The following ANKRD44 variants were observed in gnomAD, a reference collection of about 807,000 sequenced individuals.
ANKRD44 encodes the protein serine/threonine-protein phosphatase 6 regulatory ankyrin repeat subunit B.
Under a neutral mutation model 116.0 loss-of-function variants are expected in ANKRD44, and 35 were observed. That is an observed-to-expected ratio of 0.30 (90% CI 0.23 to 0.40). The LOEUF (loss-of-function observed/expected upper bound fraction) is 0.40. ANKRD44 is among the 10% of genes least tolerant of loss of function. ANKRD44 has a pLI of 1.00. For missense variants in ANKRD44, 1,014 were observed against 1,242.6 expected, an observed-to-expected ratio of 0.82 and a Z score of 2.77; for synonymous variants, 435 against 461.8, an observed-to-expected ratio of 0.94 and a Z score of 0.74.
chr2:197,281,040 G>A (rs182823766), intron 1 of ANKRD44, among the ~76,000 whole-genome samples: 1 of 150,302 alleles, frequency 6.7e-6, no homozygotes, highest in Admixed American at 6.6e-5. Context: ...TTTGAGATAT[G>A]TCTTGCTCTG....
chr2:197,146,549 T>C (rs186928883), intron 3 of ANKRD44, among the ~76,000 whole-genome samples: 83 of 151,616 alleles, frequency 5.5e-4, no homozygotes, highest in Middle Eastern at 3.4e-3. Context: ...ATAGTGTTTA[T>C]ATAGCATGTA....
At chr2:197,144,692 T>G (rs897467773) in intron 3 of ANKRD44, among the ~76,000 whole-genome samples, 8 of 152,124 alleles carry the variant, frequency 5.3e-5, no homozygotes, top group African/African-American at 1.9e-4. Flanking sequence ...ACCAAACAAG[T>G]GAATAGATTA....
At chr2:197,207,226 C>A (rs2081228007) in intron 1 of ANKRD44, among the ~76,000 whole-genome samples, 1 of 152,186 alleles carries the variant, frequency 6.6e-6, no homozygotes, top group South Asian at 2.1e-4. Context: ...GGGCAGGTGT[C>A]TGAAAACTGT....
intron 21 of ANKRD44, among the ~76,000 whole-genome samples, chr2:197,005,096 A>T (rs1018504543): frequency 6.6e-6 from 1 of 152,184 alleles, no homozygotes; most frequent in Non-Finnish European, 1.5e-5. Context: ...ATTATGAAAG[A>T]TGCACACAAA....
At chr2:197,016,448 A>T (rs1010119490) in intron 17 of ANKRD44, among the ~76,000 whole-genome samples, 7 of 152,122 alleles carry the variant, frequency 4.6e-5, no homozygotes, top group Admixed American at 1.3e-4. Flanking sequence ...AACAAAATGC[A>T]GTTTTGAAGG....
intron 2 of ANKRD44, among the ~76,000 whole-genome samples, chr2:197,159,361 C>T (rs1404807216): frequency 6.6e-6 from 1 of 152,212 alleles, no homozygotes; most frequent in African/African-American, 2.4e-5. Context: ...GATGTTAACA[C>T]TAATTATCTC....
At chr2:197,213,732 T>A (rs1185518680) in intron 1 of ANKRD44, among the ~76,000 whole-genome samples, 2 of 152,242 alleles carry the variant, frequency 1.3e-5, no homozygotes, top group African/African-American at 4.8e-5. Context: ...GGCCGATTTA[T>A]ATAGCCAGTT....
At chr2:197,075,131 A>G (rs1420207450) in intron 16 of ANKRD44, among the ~76,000 whole-genome samples, 2 of 152,162 alleles carry the variant, frequency 1.3e-5, no homozygotes, top group Non-Finnish European at 2.9e-5. Context: ...AGAGGCCTAG[A>G]GTTTTCAATC....
At chr2:197,232,638 C>A (rs951634539) in intron 1 of ANKRD44, among the ~76,000 whole-genome samples, 1 of 152,168 alleles carries the variant, frequency 6.6e-6, no homozygotes, top group South Asian at 2.1e-4. Flanking sequence ...TGGGAGATGA[C>A]TGTCAGCTAC....
intron 1 of ANKRD44, among the ~76,000 whole-genome samples, chr2:197,200,670 G>C (rs1474608268): frequency 6.6e-6 from 1 of 151,994 alleles, no homozygotes. Flanking sequence ...CACATACAAC[G>C]CTTGCTGTGC....
At position 197,081,709 on chromosome 2, in the gene ANKRD44, T is replaced by A; in HGVS notation, c.1474A>T (p.Asn492Tyr). The A allele has an allele frequency of 6.2e-7, 1 of 1,613,818 alleles. No homozygotes were observed. Among genetic ancestry groups the A allele is most frequent in the Non-Finnish European group, 8.5e-7 (1 of 1,179,782 alleles). ...AGTTCTTCTGAATTATCATGGGCAT[T>A]TCCTAAGATAGTCTTACTTCTCAGC... ...DMDRNKTILG[N>Y]AHDNSEELER... Residue 492 changes from asparagine to tyrosine, a missense_variant, in exon 15 of 28, where the codon AAT becomes TAT. By Grantham distance (143) the Asn-to-Tyr change is moderately radical (BLOSUM62 -2). Coordinates refer to ENST00000282272, the MANE Select transcript of ANKRD44 (RefSeq NM_001195144.2).
intron 23 of ANKRD44, among the ~76,000 whole-genome samples, chr2:197,000,110 C>T (rs974370904): frequency 6.6e-6 from 1 of 151,968 alleles, no homozygotes; most frequent in Non-Finnish European, 1.5e-5. Context: ...TTACAGAATG[C>T]TACCATGTGC....
chr2:197,029,589 G>A (rs1051596549), intron 16 of ANKRD44: 7 of 443,524 alleles, frequency 1.6e-5, no homozygotes, highest in Non-Finnish European at 8.8e-6. Context: ...AAACTGTTCA[G>A]TTTTCTTACA....
intron 1 of ANKRD44, among the ~76,000 whole-genome samples, chr2:197,269,030 G>A (rs2082817234): frequency 6.6e-6 from 1 of 151,818 alleles, no homozygotes; most frequent in Non-Finnish European, 1.5e-5. Context: ...CTCAAAAAAA[G>A]TCCAACATTT....
chr2:197,025,337 A>C, intron 16 of ANKRD44, 70 bp from the exon 17 acceptor site: 6 of 1,260,816 alleles, frequency 4.8e-6, no homozygotes, highest in Non-Finnish European at 6.9e-6. Flanking sequence ...AAATGAGAAA[A>C]GAGGTTTCAG....
At chr2:196,992,116 T>C (rs1037568151) in intron 27 of ANKRD44, among the ~76,000 whole-genome samples, 4 of 152,212 alleles carry the variant, frequency 2.6e-5, no homozygotes, top group African/African-American at 9.7e-5. Flanking sequence ...ACCTTTATCC[T>C]ACTGGCCTGA....
At chr2:197,210,267 T>C (rs992796772) in intron 1 of ANKRD44, among the ~76,000 whole-genome samples, 1 of 152,214 alleles carries the variant, frequency 6.6e-6, no homozygotes, top group African/African-American at 2.4e-5. Context: ...TTGAGATGTG[T>C]TGAGAAGCAC....
chr2:197,126,132 A>T (rs2078969442), intron 4 of ANKRD44, 95 bp from the exon 5 acceptor site: 1 of 1,299,016 alleles, frequency 7.7e-7, no homozygotes, highest in South Asian at 1.3e-5. Context: ...AACTATGGAG[A>T]GAAAGGCTCC....
intron 17 of ANKRD44, among the ~76,000 whole-genome samples, chr2:197,016,639 G>A (rs1286124934): frequency 2.0e-5 from 3 of 152,102 alleles, no homozygotes; most frequent in Non-Finnish European, 4.4e-5. Context: ...ATATCTGTAT[G>A]TTTGCAATGT....
Sources: gnomAD v4.1 joint callset for allele counts (sites outside exome capture counted in the v4.1 genomes callset) on GRCh38, gnomAD v4.1.1 for gene constraint, MANE v1.5 for transcripts, NCBI Gene and HGNC (gene_info 2026-07-23, HGNC 2026-07-21) for gene names.